The following SCAF11 variants were observed in gnomAD, a reference collection of about 807,000 sequenced individuals.
SCAF11 encodes the protein protein SCAF11.
Under a neutral mutation model 140.5 loss-of-function variants are expected in SCAF11, and 47 were observed. That is an observed-to-expected ratio of 0.33 (90% CI 0.26 to 0.43). The LOEUF (loss-of-function observed/expected upper bound fraction) is 0.43, where lower values mean the gene tolerates loss of function less well. SCAF11 is among the 20% of genes least tolerant of loss of function. The pLI is 1.00. For missense variants in SCAF11, 1,645 were observed against 1,705.1 expected (o/e 0.96, Z 0.62); for synonymous variants, 557 against 579.4 (o/e 0.96, Z 0.55).
rs779227215 is a variant in SCAF11 at position 45,928,259 on chromosome 12, T to C, written c.1442A>G (p.Asp481Gly). Residue 481 changes from aspartate (D) to glycine (G), a missense_variant, in exon 11 of 15, where the codon GAT becomes GGT. Around this residue, in one of 2 missense-constraint regions of SCAF11, gnomAD observed 1,582 missense variants for 1,609.2 expected, o/e 0.98. Coordinates refer to ENST00000369367, the MANE Select transcript of SCAF11 (RefSeq NM_004719.3). The stretch of plus-strand genomic sequence containing the variant: ...TTCCTCACCAACTAGCACAGGAAGA[T>C]CTTGAGCACAAGACTCAGAAGATGA... ...GSSSSESCAQ[D>G]LPVLVGEEGE... 13 of 1,613,934 alleles carry C rather than the reference T, an allele frequency of 8.1e-6. No individual in the cohort carries two copies. The highest frequency in any genetic ancestry group is 3.3e-5 in the Admixed American group (2 of 60,006).
intron 11 of SCAF11, among the ~76,000 whole-genome samples, chr12:45,925,800 A>C (rs1944843646): frequency 6.6e-6 from 1 of 152,204 alleles, no homozygotes; most frequent in Non-Finnish European, 1.5e-5. Flanking sequence ...TATTTGTATG[A>C]GAACAATTAT....
chr12:45,969,656 G>A (rs1186533117), intron 1 of SCAF11, among the ~76,000 whole-genome samples: 1 of 152,174 alleles, frequency 6.6e-6, no homozygotes, highest in African/African-American at 2.4e-5. Flanking sequence ...TTTCCCTAAA[G>A]CAAATGCAAG....
At chr12:45,930,445 GT>G (rs1262102132) in intron 10 of SCAF11, among the ~76,000 whole-genome samples, 4 of 123,710 alleles carry the variant, frequency 3.2e-5, no homozygotes, top group Admixed American at 7.9e-5. Flanking sequence ...GTTGTGTTTT[GT>G]TTTTTTTTTG....
chr12:45,957,192 A>G (rs894910378), intron 3 of SCAF11, among the ~76,000 whole-genome samples: 3 of 152,214 alleles, frequency 2.0e-5, no homozygotes, highest in African/African-American at 7.2e-5. Context: ...TACATAACAG[A>G]GGTGTCTGGG....
At chr12:45,932,972 T>C (rs1315954019) in intron 9 of SCAF11, among the ~76,000 whole-genome samples, 159 bp downstream of exon 9, 1 of 152,136 alleles carries the variant, frequency 6.6e-6, no homozygotes, top group African/African-American at 2.4e-5. Flanking sequence ...GTCCTTTATA[T>C]AGCAATCTTT....
At chr12:45,959,407 A>AATATTAACATATAC (rs1343958959) in intron 3 of SCAF11, among the ~76,000 whole-genome samples, 1 of 152,240 alleles carries the variant, frequency 6.6e-6, no homozygotes, top group African/African-American at 2.4e-5. Flanking sequence ...ATAGCAAATA[A>AATATTAACATATAC]ATATTAACAT....
At chr12:45,939,365 A>C (rs1275955777) in intron 6 of SCAF11, among the ~76,000 whole-genome samples, 4 of 152,210 alleles carry the variant, frequency 2.6e-5, no homozygotes, top group Middle Eastern at 3.2e-3. Flanking sequence ...CTATGTTTAA[A>C]GAACAGTCCC....
Position 45,928,666 on chromosome 12 carries a change from C to G in SCAF11, c.1035G>C (p.Gly345=). ...GATTACTGTTACCTGGGGCATCACA[C>G]CCAGAATTGTCTGATATTGGGGATC... ...SQRSPISDNS[G]CDAPGNSNPS... Residue 345 remains glycine (G), a synonymous_variant, in exon 11 of 15, where the codon GGG becomes GGC. Coordinates refer to ENST00000369367, the MANE Select transcript of SCAF11 (RefSeq NM_004719.3). 6.2e-7 allele frequency: 1 copy of G among 1,613,880 alleles called. No individual in the cohort carries two copies. Among genetic ancestry groups the G allele is most frequent in the Non-Finnish European group, 8.5e-7 (1 of 1,179,916 alleles).
At chr12:45,924,325 G>A (rs1944791487) in intron 12 of SCAF11, among the ~76,000 whole-genome samples, 1 of 152,140 alleles carries the variant, frequency 6.6e-6, no homozygotes, top group African/African-American at 2.4e-5. Flanking sequence ...GTCTGAACAA[G>A]ACAATAAAAG....
intron 1 of SCAF11, among the ~76,000 whole-genome samples, chr12:45,983,165 G>T (rs1414136166): frequency 1.3e-5 from 2 of 152,116 alleles, no homozygotes; most frequent in Admixed American, 6.5e-5. Flanking sequence ...CCATTTATTT[G>T]TTTTGAAAGT....
chr12:45,941,233 T>C (rs896763618), intron 6 of SCAF11, among the ~76,000 whole-genome samples: 4 of 152,208 alleles, frequency 2.6e-5, no homozygotes, highest in Non-Finnish European at 4.4e-5. Flanking sequence ...ATCTCTATGG[T>C]CGTAGACACC....
rs375855494 is a variant in SCAF11 at position 45,927,448 on chromosome 12, G to C, written c.2253C>G (p.His751Gln). The C allele has an allele frequency of 1.4e-3, 2,319 of 1,613,514 alleles. 49 individuals are homozygous for C. The South Asian group carries it at 0.024, about 16-fold the overall frequency. The change falls in exon 11 of 15, where the codon CAC becomes CAG. Residue 751 changes from histidine (H) to glutamine (Q), a missense_variant. His to Gln is a conservative substitution (Grantham distance 24). This residue lies in a region of SCAF11 where 1,582 missense variants were observed against 1,609.2 expected (regional missense o/e 0.98). Coordinates refer to ENST00000369367, the MANE Select transcript of SCAF11 (RefSeq NM_004719.3). Reference sequence around the variant, plus strand: ...AAGACGGCATATTATTTTCAGAACAGTGTGTCACAGAATTTTCATTCATTT... The same window carrying C: ...AAGACGGCATATTATTTTCAGAACACTGTGTCACAGAATTTTCATTCATTT... Reference protein sequence around the residue: ...LKQMNENSVTHCSENNMPSSD... With the variant: ...LKQMNENSVTQCSENNMPSSD...
At chr12:45,923,308 T>C (rs967640196) in intron 12 of SCAF11, among the ~76,000 whole-genome samples, 154 bp from the exon 13 acceptor site, 1 of 152,198 alleles carries the variant, frequency 6.6e-6, no homozygotes, top group Admixed American at 6.5e-5. Flanking sequence ...TAAAGGGCCC[T>C]TTAAAGAAAA....
At chr12:45,971,427 T>A (rs909043896) in intron 1 of SCAF11, among the ~76,000 whole-genome samples, 2 of 152,196 alleles carry the variant, frequency 1.3e-5, no homozygotes, top group East Asian at 3.8e-4. Flanking sequence ...GGAGCAGCTA[T>A]ATGAAGACTC....
intron 6 of SCAF11, among the ~76,000 whole-genome samples, chr12:45,944,190 C>T (rs1238412288): frequency 6.6e-6 from 1 of 152,084 alleles, no homozygotes; most frequent in Non-Finnish European, 1.5e-5. Context: ...CAAGCAAATG[C>T]TATTCATAAA....
rs776488327 is a variant in SCAF11, at chr12:45,934,162, T to C, written c.632+14A>G. ...AAGTATAAACAGCATAAATTAAAAG[T>C]AGAAAATACTAACCAATAAGCTCTA... On this transcript the variant is annotated intron_variant, in intron 8 of 14. Coordinates refer to ENST00000369367, the MANE Select transcript of SCAF11 (RefSeq NM_004719.3). 3.7e-6 allele frequency: 5 copies of C among 1,342,612 alleles called. No individual in the cohort carries two copies. In the South Asian group the frequency reaches 4.0e-5, roughly 11 times the overall value. The allele number at this position is 1,342,612 out of a possible 1,614,324, so 83.2% of individuals were successfully genotyped here.
chr12:45,991,871 C>G, upstream of SCAF11: 2 of 1,283,000 alleles, frequency 1.6e-6, no homozygotes, highest in South Asian at 2.5e-5. Context: ...CTCTGCTCCC[C>G]GCGCGCGGCT....
At chr12:45,982,681 G>A (rs778539738) in intron 1 of SCAF11, among the ~76,000 whole-genome samples, 7 of 152,148 alleles carry the variant, frequency 4.6e-5, no homozygotes, top group Non-Finnish European at 8.8e-5. Flanking sequence ...CTCCAGCCTG[G>A]GTGACAGAAT....
At chr12:45,935,666 A>G (rs890048930) in intron 6 of SCAF11, among the ~76,000 whole-genome samples, 1 of 152,192 alleles carries the variant, frequency 6.6e-6, no homozygotes, top group Non-Finnish European at 1.5e-5. Flanking sequence ...TTTACATAGC[A>G]TTCTTTCATT....
Sources: allele counts gnomAD v4.1 joint callset (sites outside exome capture counted in the v4.1 genomes callset), GRCh38; gene constraint gnomAD v4.1.1; regional missense constraint gnomAD v4.1.1; transcripts MANE v1.5; gene names NCBI Gene and HGNC (gene_info 2026-07-23, HGNC 2026-07-21).